PDCD2L: variants seen among roughly 807,000 people sequenced by gnomAD.
PDCD2L encodes the protein uS5 assembly chaperone PDCD2L.
In PDCD2L, 44 loss-of-function variants were observed where a neutral mutation model predicts 40.4. That is an observed-to-expected ratio of 1.09 (90% confidence interval 0.86 to 1.40). The LOEUF is 1.40. Ranked by LOEUF, PDCD2L falls within the 40% of genes most tolerant of loss-of-function variation. The probability of loss-of-function intolerance (pLI) is 0.00; values close to 1 mark genes in which losing one functional copy is unlikely to be tolerated. For missense variants in PDCD2L, 470 were observed against 453.7 expected (o/e 1.04, Z -0.33); for synonymous variants, 194 against 174.6 (o/e 1.11, Z -0.88).
In PDCD2L at chr19:34,413,847, G is replaced by C; in HGVS notation, c.797G>C (p.Arg266Thr). ...GCTGCTTGTCAGGAGCAGATTTTGA[G>C]GTAAAAAAAGGCACAGTTCCTTTTA... ...RIAACQEQILRYSWSGEPLFL... is the reference protein window; with the variant it reads ...RIAACQEQILTYSWSGEPLFL... Residue 266 changes from arginine to threonine, a missense_variant and splice_region_variant, in exon 5 of 7, where the codon AGG becomes ACG. By Grantham distance (71) the Arg-to-Thr change is moderately conservative. Transcript: ENST00000246535. 6.6e-7 allele frequency: 1 copy of C among 1,526,654 alleles called. No homozygotes were observed. Among genetic ancestry groups the C allele is most frequent in the Non-Finnish European group, 9.0e-7 (1 of 1,108,510 alleles). 94.6% of individuals were successfully genotyped at this position (1,526,654 alleles called of 1,614,324 possible).
intron 3 of PDCD2L, 198 bp from the exon 4 acceptor site, chr19:34,408,963 G>A: frequency 3.4e-6 from 2 of 585,502 alleles, no homozygotes; most frequent in Non-Finnish European, 6.1e-6. Context: ...CCCCAAAAAG[G>A]AAAGACAAGT....
chr19:34,422,633 AT>A (rs1286590066), intron 6 of PDCD2L, among the ~76,000 whole-genome samples: 1 of 152,206 alleles, frequency 6.6e-6, no homozygotes, highest in Non-Finnish European at 1.5e-5. Context: ...TAATATGGTA[AT>A]TAAAAGTCTT....
intron 4 of PDCD2L, among the ~76,000 whole-genome samples, chr19:34,412,104 C>A (rs765543127): frequency 6.6e-6 from 1 of 151,560 alleles, no homozygotes; most frequent in African/African-American, 2.4e-5. Flanking sequence ...ATTGCAACCT[C>A]CACCTCCCAG....
chr19:34,410,635 T>C (rs1398800909), intron 4 of PDCD2L, among the ~76,000 whole-genome samples: 1 of 152,164 alleles, frequency 6.6e-6, no homozygotes, highest in East Asian at 1.9e-4. Flanking sequence ...AGAAATGGCC[T>C]GGTTCTTTAC....
intron 6 of PDCD2L, among the ~76,000 whole-genome samples, chr19:34,423,473 C>T (rs548609747): frequency 6.6e-6 from 1 of 150,906 alleles, no homozygotes; most frequent in Admixed American, 6.7e-5. Flanking sequence ...CATGAGCCAC[C>T]GTGCCTGGAC....
chr19:34,415,765 T>C (rs569550035), intron 5 of PDCD2L, among the ~76,000 whole-genome samples: 1 of 152,302 alleles, frequency 6.6e-6, no homozygotes, highest in African/African-American at 2.4e-5. Flanking sequence ...AAATGTCTAG[T>C]AGAGTTCTTG....
chr19:34,413,769 A>G lies in PDCD2L; in HGVS notation c.719A>G (p.Lys240Arg). The G allele has an allele frequency of 6.2e-7, 1 of 1,603,166 alleles. No individual in the cohort carries two copies. Residue 240 changes from lysine (K) to arginine (R), a missense_variant, in exon 5 of 7, where the codon AAG becomes AGG. By Grantham distance (26) the Lys-to-Arg change is conservative. Coordinates refer to ENST00000246535, the MANE Select transcript of PDCD2L (RefSeq NM_032346.2). ...AATGATGGTGATGAAAAATATGAGA[A>G]GACCATAATTAAAAGTGGAGATCAG... ...LPNDGDEKYE[K>R]TIIKSGDQTF...
chr19:34,424,848 A>C (rs2075168870), intron 6 of PDCD2L, among the ~76,000 whole-genome samples: 1 of 150,766 alleles, frequency 6.6e-6, no homozygotes, highest in African/African-American at 2.4e-5. Flanking sequence ...AGGTTCAAGC[A>C]ATTCTCCTGC....
intron 4 of PDCD2L, among the ~76,000 whole-genome samples, chr19:34,410,743 G>A (rs1398976829): frequency 7.7e-6 from 1 of 129,958 alleles, no homozygotes; most frequent in African/African-American, 2.7e-5. Flanking sequence ...AGAATTGATG[G>A]TTATAAGGAC....
intron 5 of PDCD2L, among the ~76,000 whole-genome samples, chr19:34,415,497 A>G (rs546513952): frequency 2.0e-5 from 3 of 152,316 alleles, no homozygotes; most frequent in African/African-American, 7.2e-5. Flanking sequence ...GCTATCAGAA[A>G]GGCCTCAGAG....
chr19:34,413,521 T>C (rs1033438576), intron 4 of PDCD2L, among the ~76,000 whole-genome samples: 2 of 151,168 alleles, frequency 1.3e-5, no homozygotes, highest in African/African-American at 4.9e-5. Flanking sequence ...CATTTTTTAG[T>C]AGAGATGGGG....
intron 5 of PDCD2L, 106 bp downstream of exon 5, chr19:34,413,953 C>T: frequency 1.5e-6 from 1 of 687,180 alleles, no homozygotes; most frequent in East Asian, 2.8e-5. Context: ...CTACAGTATT[C>T]CCCAAACCAA....
chr19:34,406,699 CT>C (rs1213926317), intron 3 of PDCD2L, among the ~76,000 whole-genome samples: 4 of 150,314 alleles, frequency 2.7e-5, no homozygotes, highest in Non-Finnish European at 5.9e-5. Flanking sequence ...CCACAATACT[CT>C]ATTATTAACT....
intron 3 of PDCD2L, among the ~76,000 whole-genome samples, chr19:34,405,364 T>C (rs1321676939): frequency 4.6e-5 from 7 of 151,418 alleles, no homozygotes; most frequent in Admixed American, 2.0e-4. Context: ...CAGGCTGGTC[T>C]CGAACTGCCG....
intron 4 of PDCD2L, 109 bp downstream of exon 4, chr19:34,409,619 G>C: frequency 1.1e-6 from 1 of 929,528 alleles, no homozygotes; most frequent in Non-Finnish European, 1.6e-6. Flanking sequence ...GGCAGAACTT[G>C]TATGTAGGAC....
intron 5 of PDCD2L, among the ~76,000 whole-genome samples, chr19:34,419,417 A>G (rs1053460210): frequency 1.3e-5 from 2 of 152,046 alleles, no homozygotes; most frequent in Non-Finnish European, 2.9e-5. Flanking sequence ...GGCCTCCCAA[A>G]ATGCTGGGAT....
intron 3 of PDCD2L, among the ~76,000 whole-genome samples, chr19:34,408,263 G>A (rs1394153037): frequency 6.6e-6 from 1 of 152,134 alleles, no homozygotes; most frequent in Non-Finnish European, 1.5e-5. Context: ...TAAATAAAAA[G>A]TTGAAGACAG....
chr19:34,406,574 G>C (rs760285685), intron 3 of PDCD2L, among the ~76,000 whole-genome samples: 1 of 151,670 alleles, frequency 6.6e-6, no homozygotes, highest in Non-Finnish European at 1.5e-5. Flanking sequence ...TAAATTTTTA[G>C]TAGAGACAGG....
In PDCD2L at chr19:34,406,826, CTTTTTTTTTTTTTT is replaced by C. The variant is rs35175132; in HGVS notation, c.336+1846_336+1859del. On this transcript the variant is annotated intron_variant, in intron 3 of 6. Transcript: ENST00000246535. Reference sequence around the variant, plus strand: ...CTTCCCGCTCCAGGTTTCTTTCTTCCTTTTTTTTTTTTTTTTTTTTTTTGAGACCGAGTTTCGCT... The same window carrying C: ...CTTCCCGCTCCAGGTTTCTTTCTTCCTTTTTTTTTGAGACCGAGTTTCGCT... Among the ~76,000 whole-genome samples, 42 of 102,248 alleles carry C rather than the reference CTTTTTTTTTTTTTT, an allele frequency of 4.1e-4. 1 individual carries two copies. The Admixed American group carries it at 4.7e-3, about 11-fold the overall frequency. The allele number at this position is 102,248 out of a possible 152,430, so 67.1% of individuals were successfully genotyped here.
Sources: gnomAD v4.1 joint callset for allele counts (sites outside exome capture counted in the v4.1 genomes callset) on GRCh38, gnomAD v4.1.1 for gene constraint, MANE v1.5 for transcripts, NCBI Gene and HGNC (gene_info 2026-07-23, HGNC 2026-07-21) for gene names.